Variants in PLPPR1 observed in about 807,000 individuals in gnomAD.
The protein encoded by PLPPR1 is phospholipid phosphatase-related protein type 1.
PLPPR1 carries 10 observed loss-of-function variants against 33.1 expected under a neutral mutation model. That is an observed-to-expected ratio of 0.30 (90% CI 0.19 to 0.51). The LOEUF (loss-of-function observed/expected upper bound fraction) is 0.51, where lower values mean the gene tolerates loss of function less well. Ranked by LOEUF, PLPPR1 falls within the 20% of genes least tolerant of loss-of-function variation. PLPPR1 has a pLI of 0.97. For synonymous variants in PLPPR1, 151 were observed against 151.0 expected (o/e 1.00, Z 0.00); for missense variants, 304 against 408.1 (o/e 0.74, Z 2.20).
At chr9:101,039,190 G>A (rs1830046597) in intron 1 of PLPPR1, among the ~76,000 whole-genome samples, 1 of 152,120 alleles carries the variant, frequency 6.6e-6, no homozygotes, top group Admixed American at 6.5e-5. Context: ...ATCATGTGGT[G>A]GTTAAGAGCT....
chr9:101,183,232 C>G (rs1350056122), intron 1 of PLPPR1, among the ~76,000 whole-genome samples: 1 of 151,622 alleles, frequency 6.6e-6, no homozygotes, highest in Non-Finnish European at 1.5e-5. Context: ...TGAATACAAC[C>G]AAATACTGGA....
chr9:101,268,702 T>A (rs1419583947), intron 2 of PLPPR1, among the ~76,000 whole-genome samples: 3 of 152,258 alleles, frequency 2.0e-5, no homozygotes, highest in South Asian at 2.1e-4. Context: ...AGATTATGAT[T>A]TCCCTTTACT....
Position 101,277,573 on chromosome 9 carries a change from G to A in PLPPR1, c.252+7505G>A, listed in dbSNP as rs537917053. ...ACATGATTTCAGTTTCCCTTAACGA[G>A]CCCTCTCTTTTTGGCTCCTATCATA... On this transcript the variant is annotated intron_variant, in intron 3 of 7. Transcript: ENST00000374874. Among the ~76,000 whole-genome samples, 9 of 152,268 alleles carry A rather than the reference G, an allele frequency of 5.9e-5. No individual in the cohort carries two copies. In the South Asian group the frequency reaches 1.9e-3, roughly 32 times the overall value.
intron 1 of PLPPR1, among the ~76,000 whole-genome samples, chr9:101,070,284 C>T (rs936426561): frequency 3.3e-5 from 5 of 152,010 alleles, no homozygotes; most frequent in Admixed American, 6.6e-5. Flanking sequence ...AGTATGGACT[C>T]GTAGATGTTT....
intron 2 of PLPPR1, among the ~76,000 whole-genome samples, chr9:101,238,266 C>A (rs1827366687): frequency 7.8e-6 from 1 of 128,614 alleles, no homozygotes; most frequent in African/African-American, 2.9e-5. Context: ...ATATATACAC[C>A]CTATATATAC....
At chr9:101,108,365 A>G (rs1422500820) in intron 1 of PLPPR1, among the ~76,000 whole-genome samples, 1 of 152,222 alleles carries the variant, frequency 6.6e-6, no homozygotes, top group Non-Finnish European at 1.5e-5. Context: ...TTCCTGACTG[A>G]TAGCATAGAA....
At chr9:101,312,154 G>T (rs747914535) in intron 5 of PLPPR1, among the ~76,000 whole-genome samples, 1 of 152,232 alleles carries the variant, frequency 6.6e-6, no homozygotes, top group Admixed American at 6.5e-5. Context: ...TGGAGTAAAT[G>T]AATGAATAAA....
chr9:101,196,729 G>A (rs1199829961), intron 2 of PLPPR1, among the ~76,000 whole-genome samples: 1 of 152,138 alleles, frequency 6.6e-6, no homozygotes, highest in African/African-American at 2.4e-5. Flanking sequence ...GCTGGGCGTG[G>A]TGGCGGGTGC....
intron 1 of PLPPR1, among the ~76,000 whole-genome samples, chr9:101,052,133 T>C (rs1250544580): frequency 6.6e-6 from 1 of 152,240 alleles, no homozygotes; most frequent in Non-Finnish European, 1.5e-5. Context: ...CTTATGCTTA[T>C]GGTAAGGATT....
intron 2 of PLPPR1, among the ~76,000 whole-genome samples, chr9:101,241,347 C>T (rs935513010): frequency 1.3e-5 from 2 of 152,018 alleles, no homozygotes; most frequent in Admixed American, 6.6e-5. Context: ...CTTTTGGCTT[C>T]CCTGGGTCAT....
chr9:101,089,607 T>C (rs1469709081), intron 1 of PLPPR1, among the ~76,000 whole-genome samples: 1 of 152,200 alleles, frequency 6.6e-6, no homozygotes, highest in East Asian at 1.9e-4. Flanking sequence ...TTCATATCAT[T>C]AGTTTTCTTC....
intron 1 of PLPPR1, among the ~76,000 whole-genome samples, chr9:101,040,014 T>G (rs75328901): frequency 6.6e-6 from 1 of 152,250 alleles, no homozygotes; most frequent in Non-Finnish European, 1.5e-5. Flanking sequence ...AATATCATCT[T>G]TAGTCATTGC....
At chr9:101,033,596 A>G (rs2118400219) in intron 1 of PLPPR1, among the ~76,000 whole-genome samples, 1 of 152,328 alleles carries the variant, frequency 6.6e-6, no homozygotes, top group Middle Eastern at 3.4e-3. Flanking sequence ...GAATACTCAG[A>G]CAAGAAGGAA....
At chr9:101,157,203 A>T (rs1015114838) in intron 1 of PLPPR1, among the ~76,000 whole-genome samples, 2 of 152,220 alleles carry the variant, frequency 1.3e-5, no homozygotes, top group Non-Finnish European at 2.9e-5. Flanking sequence ...GTTAATGAAG[A>T]TGGAAAGGAG....
chr9:101,111,430 G>A (rs1004432861), intron 1 of PLPPR1, among the ~76,000 whole-genome samples: 1 of 152,120 alleles, frequency 6.6e-6, no homozygotes, highest in Non-Finnish European at 1.5e-5. Flanking sequence ...TGTAACTGAT[G>A]CATTCATAAG....
intron 2 of PLPPR1, among the ~76,000 whole-genome samples, chr9:101,229,429 A>G (rs2118813714): frequency 6.6e-6 from 1 of 152,208 alleles, no homozygotes; most frequent in South Asian, 2.1e-4. Context: ...TCCATTTATA[A>G]AACCAATACA....
intron 1 of PLPPR1, among the ~76,000 whole-genome samples, chr9:101,135,352 G>T (rs1010240651): frequency 1.3e-5 from 2 of 152,140 alleles, no homozygotes; most frequent in Admixed American, 1.3e-4. Context: ...TTAGAATCAG[G>T]TATTGATTCC....
chr9:101,180,170 A>G (rs890769571), intron 1 of PLPPR1, among the ~76,000 whole-genome samples: 27 of 144,848 alleles, frequency 1.9e-4, no homozygotes, highest in African/African-American at 5.0e-4. Context: ...ACATACACAC[A>G]CACACAGACA....
chr9:101,184,658 T>G (rs1826173867), intron 1 of PLPPR1, among the ~76,000 whole-genome samples: 1 of 152,020 alleles, frequency 6.6e-6, no homozygotes, highest in Non-Finnish European at 1.5e-5. Flanking sequence ...CTTAAAATCT[T>G]TACTTCATTG....
Sources: gnomAD v4.1 joint callset for allele counts (sites outside exome capture counted in the v4.1 genomes callset) on GRCh38, gnomAD v4.1.1 for gene constraint, MANE v1.5 for transcripts, NCBI Gene and HGNC (gene_info 2026-07-23, HGNC 2026-07-21) for gene names.